The following SEMA4C variants were observed in gnomAD, a reference collection of about 807,000 sequenced individuals.
SEMA4C encodes the protein semaphorin 4C, also known as semaphorin-4C.
SEMA4C carries 19 observed loss-of-function variants against 89.0 expected under a neutral mutation model. The ratio of observed to expected loss-of-function variants is 0.21; its 90% CI spans 0.15 to 0.31. SEMA4C has a LOEUF of 0.31. Among genes scored for constraint, SEMA4C ranks in the 10% least tolerant of loss-of-function variants. The probability of loss-of-function intolerance (pLI) is 1.00; values close to 1 mark genes in which losing one functional copy is unlikely to be tolerated. For synonymous variants in SEMA4C, 428 were observed against 472.7 expected, an observed-to-expected ratio of 0.91 and a Z score of 1.23; for missense variants, 811 against 1,107.0, an observed-to-expected ratio of 0.73 and a Z score of 3.79.
intron 1 of SEMA4C, chr2:96,868,701 C>G: frequency 1.0e-6 from 1 of 985,190 alleles, no homozygotes; most frequent in Non-Finnish European, 1.2e-6. Context: ...GGGGACCGAG[C>G]TCGGGTCGAG....
rs2080168508 is a variant in SEMA4C, at chr2:96,869,867, C to T, written c.-38+9G>A. Reference sequence around the variant, plus strand: ...GGCTCCAGCCTCACGCAAGCCCGGCCTCGCTCACCTATTGCGCGCAGCTCC... The same window carrying T: ...GGCTCCAGCCTCACGCAAGCCCGGCTTCGCTCACCTATTGCGCGCAGCTCC... On this transcript the variant is annotated intron_variant, in intron 1 of 14. Transcript: ENST00000305476. 2 of 985,710 alleles carry T rather than the reference C, an allele frequency of 2.0e-6. No homozygotes were observed. Among genetic ancestry groups the T allele is most frequent in the African/African-American group, 1.7e-5 (1 of 57,230 alleles). The allele number at this position is 985,710 out of a possible 1,614,324, so 61.1% of individuals were successfully genotyped here. A position where few individuals can be genotyped will look rare whatever the true frequency, so the allele number is the denominator to read the frequency against.
intron 2 of SEMA4C, chr2:96,866,763 C>G: frequency 2.3e-6 from 1 of 433,326 alleles, no homozygotes; most frequent in Non-Finnish European, 4.4e-6. Flanking sequence ...GGCACCCCCA[C>G]CCCACCTTCG....
Position 96,860,797 on chromosome 2 carries a change from G to C in SEMA4C, c.2331C>G (p.His777Gln). ...GQPLPSPTRL[H>Q]LGGGRNSNAN... The stretch of plus-strand genomic sequence containing the variant: ...CATTTGAGTTCCGCCCACCCCCCAG[G>C]TGAAGCCGAGTTGGAGAAGGCAGAG... Residue 777 changes from histidine (H) to glutamine (Q), a missense_variant, in exon 15 of 15, where the codon CAC (histidine) becomes CAG (glutamine). By Grantham distance (24) the His-to-Gln change is conservative (BLOSUM62 0). This residue lies in a region of SEMA4C where 248 missense variants were observed against 269.0 expected (regional missense o/e 0.92). Transcript: ENST00000305476. The C allele has an allele frequency of 4.3e-6, 7 of 1,613,846 alleles. No individual in the cohort carries two copies. In the South Asian group the frequency reaches 7.7e-5, roughly 18 times the overall value.
intron 3 of SEMA4C, 101 bp downstream of exon 3, chr2:96,866,182 C>T: frequency 6.7e-7 from 1 of 1,486,452 alleles, no homozygotes; most frequent in Non-Finnish European, 9.0e-7. Context: ...AGCAGCACTT[C>T]TGTGGGGGCA....
At position 96,861,943 on chromosome 2, in the gene SEMA4C, C is replaced by A; in HGVS notation, c.1444-49G>T. ...AGGGGGGTCGGCCAGGGCCACACCA[C>A]GGGAGGGGCGGCCGGACCAGAACGC... is the stretch of plus-strand genomic sequence containing the variant. On this transcript the variant is annotated intron_variant, in intron 12 of 14. Transcript: ENST00000305476. The surrounding 1 kb of genome is among the most constrained non-coding windows in gnomAD (Gnocchi z 7.8). 1 of 1,551,848 alleles carries A rather than the reference C, an allele frequency of 6.4e-7. No homozygotes were observed.
At position 96,863,971 on chromosome 2, in the gene SEMA4C, T is replaced by G. The variant is rs575672938; in HGVS notation, c.1285A>C (p.Thr429Pro). ...NFTHLVADRV[T>P]GLDGATYTVL... is the part of the protein sequence containing the mutation. ...GTATAGGTGGCTCCATCAAGTCCTG[T>G]AACCCGGTCGGCCACCAGGTGGGTG... The change falls in exon 11 of 15, where the codon ACA (threonine) becomes CCA (proline). Residue 429 changes from threonine (T) to proline (P), a missense_variant. Physicochemically the swap from Thr to Pro is conservative, Grantham distance 38 (BLOSUM62 -1). This residue lies in a region of SEMA4C where 441 missense variants were observed against 664.9 expected (regional missense o/e 0.66). Transcript: ENST00000305476. 8.9e-5 allele frequency: 144 copies of G among 1,613,532 alleles called. No individual in the cohort carries two copies. In the South Asian group the frequency reaches 1.6e-3, roughly 17 times the overall value.
At chr2:96,865,596 A>C (rs2080051057) in intron 5 of SEMA4C, 59 bp from the exon 6 acceptor site, 1 of 1,552,808 alleles carries the variant, frequency 6.4e-7, no homozygotes, top group African/African-American at 1.4e-5. Context: ...TGTGGGCCAC[A>C]TCCACGAGTC....
In SEMA4C at chr2:96,863,986, C is replaced by A. The variant is rs780753088; in HGVS notation, c.1270G>T (p.Val424Leu). The change falls in exon 11 of 15, where the codon GTG becomes TTG. Residue 424 changes from valine (V) to leucine (L), a missense_variant. By Grantham distance (32) the Val-to-Leu change is conservative. This residue lies in a region of SEMA4C where 441 missense variants were observed against 664.9 expected (regional missense o/e 0.66). Coordinates refer to ENST00000305476, the MANE Select transcript of SEMA4C (RefSeq NM_017789.5). ...VKKGTNFTHL[V>L]ADRVTGLDGA... ...TCAAGTCCTGTAACCCGGTCGGCCA[C>A]CAGGTGGGTGAAGTTGGTGCCCTTC... 6.2e-7 allele frequency: 1 copy of A among 1,613,568 alleles called. No homozygotes were observed. The highest frequency in any genetic ancestry group is 8.5e-7 in the Non-Finnish European group (1 of 1,179,996).
chr2:96,861,808 G>A lies in SEMA4C; in HGVS notation c.1530C>T (p.Val510=), dbSNP rs35663590. The part of the protein sequence containing the change: ...CMKYRSCADC[V]LARDPYCAWS... Reference sequence around the variant, plus strand: ...AGGCGCAATAGGGGTCCCGGGCGAGGACACAGTCTGCACAGGAGCGATACT... The same window carrying A: ...AGGCGCAATAGGGGTCCCGGGCGAGAACACAGTCTGCACAGGAGCGATACT... Residue 510 remains valine, a synonymous_variant, in exon 13 of 15, where the codon GTC becomes GTT. Transcript: ENST00000305476. The surrounding 1 kb of genome is among the most constrained non-coding windows in gnomAD (Gnocchi z 7.8). 4.3e-3 allele frequency: 6,964 copies of A among 1,613,058 alleles called. 22 individuals carry two copies. The highest frequency in any genetic ancestry group is 5.2e-3 in the Non-Finnish European group (6,128 of 1,180,006).
In SEMA4C at chr2:96,864,918, C is replaced by A. The variant is rs1201136179; in HGVS notation, c.787-38G>T. ...AAGGGGACACTGCCGGTCAGCCCCG[C>A]TGGGCCAGCAGGGCTCCCAGGGCCC... On this transcript the variant is annotated intron_variant, in intron 8 of 14. Coordinates refer to ENST00000305476, the MANE Select transcript of SEMA4C (RefSeq NM_017789.5). The surrounding 1 kb of genome is among the most constrained non-coding windows in gnomAD (Gnocchi z 6.3). 2 of 1,611,356 alleles carry A rather than the reference C, an allele frequency of 1.2e-6. No individual in the cohort carries two copies. The highest frequency in any genetic ancestry group is 2.2e-5 in the South Asian group (2 of 90,768).
At chr2:96,867,726 A>C in intron 2 of SEMA4C, 52 bp downstream of exon 2, 1 of 1,548,168 alleles carries the variant, frequency 6.5e-7, no homozygotes, top group Non-Finnish European at 8.9e-7. Flanking sequence ...CTATGGGGGC[A>C]ACTCCTCAGC....
upstream of SEMA4C, chr2:96,870,229 G>A (rs1414014137): frequency 1.0e-6 from 1 of 985,256 alleles, no homozygotes; most frequent in Non-Finnish European, 1.2e-6. Flanking sequence ...CCGGGGGCTC[G>A]GACCTCCGCC....
rs867175077 is a variant in SEMA4C, at chr2:96,860,879, G to A, written c.2249C>T (p.Ala750Val). The change falls in exon 15 of 15, where the codon GCC becomes GTC. Residue 750 changes from alanine to valine, a missense_variant. This residue lies in a region of SEMA4C where 248 missense variants were observed against 269.0 expected (regional missense o/e 0.92). Transcript: ENST00000305476. ...GGGCCCCCCACCGGGCTGGCACCGG[G>A]CATGCCCAGGTACTATCTTAAGGGA... Reference protein sequence around the residue: ...DGSLKIVPGHARCQPGGGPPS... With the variant: ...DGSLKIVPGHVRCQPGGGPPS... 6.2e-7 allele frequency: 1 copy of A among 1,613,186 alleles called. No homozygotes were observed. Among genetic ancestry groups the A allele is most frequent in the South Asian group, 1.1e-5 (1 of 91,090 alleles).
rs559627198 is a variant in SEMA4C, at chr2:96,869,443, G to A, written c.-38+433C>T. 6 of 984,274 alleles carry A rather than the reference G, an allele frequency of 6.1e-6. No individual in the cohort carries two copies. In the African/African-American group the frequency reaches 1.1e-4, roughly 17 times the overall value. 61.0% of individuals were successfully genotyped at this position (984,274 alleles called of 1,614,324 possible). ...CTCGGCCCGGGGGCCTGGCTTTCCG[G>A]GACAACCCGCCTCCCCAGCGGAATG... is the stretch of plus-strand genomic sequence containing the variant. On this transcript the variant is annotated intron_variant, in intron 1 of 14. Coordinates refer to ENST00000305476, the MANE Select transcript of SEMA4C (RefSeq NM_017789.5).
chr2:96,870,460 G>C (rs1313766526), upstream of SEMA4C: 2 of 935,256 alleles, frequency 2.1e-6, no homozygotes, highest in Non-Finnish European at 2.6e-6. Context: ...TTGCAGGAAC[G>C]ACCGCGGGCG....
Position 96,860,422 on chromosome 2 carries a change from T to TCTG in SEMA4C, c.*201_*203dup, listed in dbSNP as rs2079914226. 3.7e-6 allele frequency: 2 copies of TCTG among 538,354 alleles called. No individual in the cohort carries two copies. The highest frequency in any genetic ancestry group is 6.5e-6 in the Non-Finnish European group (2 of 308,638). The allele number at this position is 538,354 out of a possible 1,614,324, so 33.3% of individuals were successfully genotyped here. A position where few individuals can be genotyped will look rare whatever the true frequency, so the allele number is the denominator to read the frequency against. ...ATTCACAGAGAGGAGGAAGATGCCTTCTGCGAGGCTGGTGCCCTGGTGAGC... is the reference window on the plus strand; with the variant it reads ...ATTCACAGAGAGGAGGAAGATGCCTTCTGCTGCGAGGCTGGTGCCCTGGTGAGC... On this transcript the variant is annotated 3_prime_UTR_variant, in exon 15 of 15. Transcript: ENST00000305476.
chr2:96,861,979 C>T lies in SEMA4C; in HGVS notation c.1444-85G>A. On this transcript the variant is annotated intron_variant, in intron 12 of 14. Transcript: ENST00000305476. The surrounding 1 kb of genome is among the most constrained non-coding windows in gnomAD (Gnocchi z 7.8). ...GCCGGACCAGAACGCAGCATGGGGA[C>T]AGCTTGGACTCCTGCAGGGGGCACA... The T allele has an allele frequency of 6.9e-7, 1 of 1,440,566 alleles. No homozygotes were observed. Among genetic ancestry groups the T allele is most frequent in the Non-Finnish European group, 9.4e-7 (1 of 1,066,432 alleles). The allele number at this position is 1,440,566 out of a possible 1,614,324, so 89.2% of individuals were successfully genotyped here. A position where few individuals can be genotyped will look rare whatever the true frequency, so the allele number is the denominator to read the frequency against.
At chr2:96,868,167 TC>T (rs1215736478) in intron 1 of SEMA4C, among the ~76,000 whole-genome samples, 2 of 152,130 alleles carry the variant, frequency 1.3e-5, no homozygotes, top group African/African-American at 4.8e-5. Context: ...CGGGAAGCCC[TC>T]CCTGGCCTCC....
chr2:96,866,354 C>T lies in SEMA4C; in HGVS notation c.187G>A (p.Gly63Arg), dbSNP rs763831570. 8.7e-6 allele frequency: 14 copies of T among 1,613,820 alleles called. No homozygotes were observed. The Admixed American group carries it at 1.0e-4, about 12-fold the overall frequency. ...FLTLTLTEPT[G>R]LLYVGAREAL... ...TCTCGGGCGCCCACGTACAGAAGCC[C>T]AGTGGGCTCCGTCAGCGTCAGTGTC... Residue 63 changes from glycine to arginine, a missense_variant, in exon 3 of 15, where the codon GGG becomes AGG. By Grantham distance (125) the Gly-to-Arg change is moderately radical. This residue lies in a region of SEMA4C where 119 missense variants were observed against 152.7 expected (regional missense o/e 0.78). Transcript: ENST00000305476.
Sources: allele counts gnomAD v4.1 joint callset (sites outside exome capture counted in the v4.1 genomes callset), GRCh38; gene constraint gnomAD v4.1.1; regional missense constraint gnomAD v4.1.1; non-coding constraint Gnocchi (gnomAD v3.1); transcripts MANE v1.5; gene names NCBI Gene and HGNC (gene_info 2026-07-23, HGNC 2026-07-21).